ZNF90: variants seen among roughly 807,000 people sequenced by gnomAD.
ZNF90 encodes zinc finger protein HTF9.
Under a neutral mutation model 12.0 loss-of-function variants are expected in ZNF90, and 11 were observed. That is an observed-to-expected ratio of 0.92 (90% confidence interval 0.58 to 1.52). The LOEUF is 1.52. ZNF90 is among the 40% of genes most tolerant of loss of function. ZNF90 has a pLI of 0.00. For synonymous variants in ZNF90, 232 were observed against 240.1 expected (o/e 0.97, Z 0.31); for missense variants, 765 against 711.5 (o/e 1.08, Z -0.86).
In ZNF90 at chr19:20,095,939, G is replaced by A. The variant is rs138312439; in HGVS notation, c.4-8300G>A. Among the ~76,000 whole-genome samples, 825 of 152,312 alleles carry A rather than the reference G, an allele frequency of 5.4e-3. 8 individuals carry two copies. The highest frequency in any genetic ancestry group is 0.018 in the African/African-American group (757 of 41,558). Reference sequence around the variant, plus strand: ...CTGTGTGGTCTGACACCCTTGAAACGTGAGTGTATAATCAGAGAGGCATCC... The same window carrying A: ...CTGTGTGGTCTGACACCCTTGAAACATGAGTGTATAATCAGAGAGGCATCC... On this transcript the variant is annotated intron_variant, in intron 1 of 3. Coordinates refer to ENST00000418063, the MANE Select transcript of ZNF90 (RefSeq NM_007138.2).
At chr19:20,113,347 C>A (rs573931203) in intron 3 of ZNF90, among the ~76,000 whole-genome samples, 4 of 151,982 alleles carry the variant, frequency 2.6e-5, no homozygotes, top group African/African-American at 9.7e-5. Context: ...TGCACTACAA[C>A]GCCCGCCTAA....
intron 3 of ZNF90, among the ~76,000 whole-genome samples, chr19:20,107,273 GGGA>G (rs1470629500): frequency 1.3e-5 from 2 of 152,184 alleles, no homozygotes; most frequent in Non-Finnish European, 2.9e-5. Flanking sequence ...GACTGTGGCT[GGGA>G]GGAGTTTGGG....
At chr19:20,088,370 A>T (rs375730778) in intron 1 of ZNF90, among the ~76,000 whole-genome samples, 24 of 152,248 alleles carry the variant, frequency 1.6e-4, no homozygotes, top group African/African-American at 5.5e-4. Context: ...TCGTATAGAA[A>T]GATTGGTGAT....
At chr19:20,097,099 CT>C (rs1470790677) in intron 1 of ZNF90, among the ~76,000 whole-genome samples, 2 of 152,178 alleles carry the variant, frequency 1.3e-5, no homozygotes, top group East Asian at 3.9e-4. Flanking sequence ...TGGTGACCAT[CT>C]TTCTATCTTT....
intron 3 of ZNF90, among the ~76,000 whole-genome samples, chr19:20,106,044 C>CTTTTTTTT (rs56933917): frequency 2.3e-4 from 16 of 71,036 alleles, no homozygotes; most frequent in African/African-American, 5.3e-4. Flanking sequence ...CTAATTTTTT[C>CTTTTTTTT]TTTTTTTTTT....
chr19:20,079,378 T>C (rs1277231720), intron 1 of ZNF90, among the ~76,000 whole-genome samples: 1 of 151,102 alleles, frequency 6.6e-6, no homozygotes, highest in African/African-American at 2.4e-5. Context: ...GGAAACTGGA[T>C]GGGTCTTACT....
intron 3 of ZNF90, among the ~76,000 whole-genome samples, chr19:20,117,240 C>A (rs1405316494): frequency 2.0e-5 from 3 of 151,982 alleles, no homozygotes; most frequent in Non-Finnish European, 2.9e-5. Flanking sequence ...GATGGGGTTT[C>A]ATGATGTTGG....
rs782349739 is a variant in ZNF90 at position 20,117,943 on chromosome 19, A to G, written c.389A>G (p.Tyr130Cys). The G allele has an allele frequency of 6.2e-7, 1 of 1,613,592 alleles. No homozygotes were observed. Among genetic ancestry groups the G allele is most frequent in the South Asian group, 1.1e-5 (1 of 90,952 alleles). Reference protein sequence around the residue: ...VDEGKVHKRGYNGLNQCLTAT... With the variant: ...VDEGKVHKRGCNGLNQCLTAT... The stretch of plus-strand genomic sequence containing the variant: ...GAGGGTAAAGTACACAAAAGAGGTT[A>G]TAATGGACTTAACCAATGTTTGACA... The change falls in exon 4 of 4, where the codon TAT (tyrosine) becomes TGT (cysteine). Residue 130 changes from tyrosine to cysteine, a missense_variant. Transcript: ENST00000418063.
At chr19:20,112,344 T>C (rs1436745828) in intron 3 of ZNF90, among the ~76,000 whole-genome samples, 3 of 151,680 alleles carry the variant, frequency 2.0e-5, no homozygotes, top group African/African-American at 7.3e-5. Flanking sequence ...TTTTTTGAGA[T>C]GGAGTCTTTC....
chr19:20,079,909 C>T, intron 1 of ZNF90: 1 of 419,016 alleles, frequency 2.4e-6, no homozygotes. Context: ...CTGATTTTGG[C>T]ATTCTTTTTC....
rs192882891 is a variant in ZNF90, at chr19:20,119,802, A to G, written c.*442A>G. ...TAGAGACAGGGTTTTGCCATATTTAACAGGCTGGTCTCCAACTGTGATTCA... is the reference window on the plus strand; with the variant it reads ...TAGAGACAGGGTTTTGCCATATTTAGCAGGCTGGTCTCCAACTGTGATTCA... On this transcript the variant is annotated 3_prime_UTR_variant, in exon 4 of 4. Coordinates refer to ENST00000418063, the MANE Select transcript of ZNF90 (RefSeq NM_007138.2). 7.4e-5 allele frequency: 12 copies of G among 161,786 alleles called. No individual in the cohort carries two copies. The East Asian group carries it at 2.0e-3, about 27-fold the overall frequency. 10.0% of individuals were successfully genotyped at this position (161,786 alleles called of 1,614,324 possible). A position where few individuals can be genotyped will look rare whatever the true frequency, so the allele number is the denominator to read the frequency against.
Position 20,118,298 on chromosome 19 carries a change from G to C in ZNF90, c.744G>C (p.Lys248Asn). ...ATTCCTCTACCCTTACTGCACATAA[G>C]AGAATTCATACTGGAGAGAAACGGT... The part of the protein sequence containing the change: ...LKYSSTLTAH[K>N]RIHTGEKRYK... Residue 248 changes from lysine to asparagine, a missense_variant, in exon 4 of 4, where the codon AAG becomes AAC. Physicochemically the swap from Lys to Asn is moderately conservative, Grantham distance 94. Coordinates refer to ENST00000418063, the MANE Select transcript of ZNF90 (RefSeq NM_007138.2). 6.4e-7 allele frequency: 1 copy of C among 1,562,394 alleles called. No individual in the cohort carries two copies. The highest frequency in any genetic ancestry group is 8.7e-7 in the Non-Finnish European group (1 of 1,152,858).
intron 3 of ZNF90, among the ~76,000 whole-genome samples, chr19:20,115,750 T>C (rs2089131720): frequency 6.6e-6 from 1 of 152,146 alleles, no homozygotes; most frequent in Admixed American, 6.5e-5. Flanking sequence ...AGTTACTTTT[T>C]GTAATTTTTA....
At chr19:20,088,702 A>C (rs1429291451) in intron 1 of ZNF90, among the ~76,000 whole-genome samples, 1 of 152,208 alleles carries the variant, frequency 6.6e-6, no homozygotes, top group Non-Finnish European at 1.5e-5. Flanking sequence ...GGACAACTGC[A>C]GCTAAAGAGT....
At chr19:20,112,237 T>G (rs560789945) in intron 3 of ZNF90, among the ~76,000 whole-genome samples, 1 of 151,626 alleles carries the variant, frequency 6.6e-6, no homozygotes, top group South Asian at 2.1e-4. Context: ...ATTTTGATTT[T>G]TTTTTTTTTT....
At chr19:20,102,429 C>A (rs1298740776) in intron 1 of ZNF90, among the ~76,000 whole-genome samples, 1 of 152,180 alleles carries the variant, frequency 6.6e-6, no homozygotes, top group East Asian at 1.9e-4. Flanking sequence ...AGACTGTGGT[C>A]CAACCCTAGC....
chr19:20,117,719 A>G lies in ZNF90; in HGVS notation c.227-62A>G, dbSNP rs782022244. 6 of 1,431,026 alleles carry G rather than the reference A, an allele frequency of 4.2e-6. No individual in the cohort carries two copies. In the East Asian group the frequency reaches 1.5e-4, roughly 37 times the overall value. The allele number at this position is 1,431,026 out of a possible 1,614,324, so 88.6% of individuals were successfully genotyped here. On this transcript the variant is annotated intron_variant, in intron 3 of 3. Coordinates refer to ENST00000418063, the MANE Select transcript of ZNF90 (RefSeq NM_007138.2). ...AAGATGAGGTTAATTTTGTTTGTAA[A>G]TGTAACCTGTATTTATCAGAATCTA...
chr19:20,089,787 G>A (rs1188931231), intron 1 of ZNF90, among the ~76,000 whole-genome samples: 2 of 152,136 alleles, frequency 1.3e-5, no homozygotes. Flanking sequence ...AGGGAGACGG[G>A]GGGTGTTGCC....
At chr19:20,103,618 C>T (rs2089007207) in intron 1 of ZNF90, among the ~76,000 whole-genome samples, 1 of 152,178 alleles carries the variant, frequency 6.6e-6, no homozygotes, top group Non-Finnish European at 1.5e-5. Context: ...AATCTGGCAG[C>T]TGTCCTTTTT....
Sources: gnomAD v4.1 joint callset for allele counts (sites outside exome capture counted in the v4.1 genomes callset) on GRCh38, gnomAD v4.1.1 for gene constraint, MANE v1.5 for transcripts, NCBI Gene and HGNC (gene_info 2026-07-23, HGNC 2026-07-21) for gene names.